The following POLR3B variants were observed in gnomAD, a reference collection of about 807,000 sequenced individuals.
The protein encoded by POLR3B is DNA-directed RNA polymerase III subunit RPC2.
A neutral mutation model predicts 147.4 loss-of-function variants in POLR3B; 96 were observed. The observed-to-expected ratio is 0.65, with a 90% CI of 0.55 to 0.77. The LOEUF (loss-of-function observed/expected upper bound fraction) is 0.77. POLR3B is among the 30% of genes least tolerant of loss of function. POLR3B has a pLI of 0.00. For missense variants in POLR3B, 1,036 were observed against 1,413.5 expected (o/e 0.73, Z 4.28); for synonymous variants, 461 against 485.9 (o/e 0.95, Z 0.67).
At position 106,383,837 on chromosome 12, in the gene POLR3B, G is replaced by T. The variant is rs188521825; in HGVS notation, c.723+3698G>T. On this transcript the variant is annotated intron_variant, in intron 9 of 27. Coordinates refer to ENST00000228347, the MANE Select transcript of POLR3B (RefSeq NM_018082.6). ...TACTAAAAATACAAAAATTAGCCGG[G>T]TGTGGTGGCGCACATCTGTAATCTC... Among the ~76,000 whole-genome samples the T allele has an allele frequency of 1.8e-3, 268 of 152,116 alleles. 1 individual carries two copies. Among genetic ancestry groups the T allele is most frequent in the Middle Eastern group, 6.8e-3 (2 of 294 alleles).
At chr12:106,451,536 C>T (rs954318318) in intron 19 of POLR3B, among the ~76,000 whole-genome samples, 5 of 148,656 alleles carry the variant, frequency 3.4e-5, no homozygotes, top group African/African-American at 1.2e-4. Flanking sequence ...GCACAAGAAT[C>T]AGTTGAACCC....
intron 6 of POLR3B, among the ~76,000 whole-genome samples, chr12:106,372,673 C>T (rs1415367998): frequency 6.6e-6 from 1 of 152,022 alleles, no homozygotes; most frequent in Non-Finnish European, 1.5e-5. Flanking sequence ...ATGCTTTGAC[C>T]TCTATTTCTT....
chr12:106,378,524 T>C (rs895856715), intron 8 of POLR3B, 140 bp downstream of exon 8: 2 of 618,938 alleles, frequency 3.2e-6, no homozygotes, highest in Admixed American at 2.6e-5. Flanking sequence ...GCATTCAATT[T>C]ATTATGAAAG....
At chr12:106,373,420 A>G (rs1209065143) in intron 6 of POLR3B, among the ~76,000 whole-genome samples, 3 of 152,034 alleles carry the variant, frequency 2.0e-5, no homozygotes, top group Non-Finnish European at 4.4e-5. Flanking sequence ...TCTTTTGGTT[A>G]TATTTCTGGC....
intron 23 of POLR3B, among the ~76,000 whole-genome samples, chr12:106,477,220 C>T (rs1477854071): frequency 1.8e-5 from 2 of 110,766 alleles, no homozygotes; most frequent in African/African-American, 9.4e-5. Flanking sequence ...AGGCAGTCTG[C>T]CCATTCTCAG....
chr12:106,426,391 C>T (rs1434426260), intron 12 of POLR3B, among the ~76,000 whole-genome samples: 1 of 152,090 alleles, frequency 6.6e-6, no homozygotes, highest in Non-Finnish European at 1.5e-5. Flanking sequence ...GCTGGGATTA[C>T]AGGCACCCGC....
chr12:106,418,485 T>C (rs2037334697), intron 12 of POLR3B, among the ~76,000 whole-genome samples: 1 of 152,240 alleles, frequency 6.6e-6, no homozygotes, highest in East Asian at 1.9e-4. Flanking sequence ...TTTGGCACTC[T>C]GTAGGCTTAA....
At chr12:106,403,754 G>A (rs2037106895) in intron 10 of POLR3B, among the ~76,000 whole-genome samples, 1 of 140,224 alleles carries the variant, frequency 7.1e-6, no homozygotes, top group African/African-American at 2.7e-5. Context: ...GGTGGGAATT[G>A]AACAATGAGA....
At position 106,376,453 on chromosome 12, in the gene POLR3B, A is replaced by G; in HGVS notation, c.496+3A>G. ...GAACGAATGTCCCTTAGATCCAGGT[A>G]TGTGTGAAGTCTTGGATTTGTCCCA... On this transcript the variant is annotated splice_donor_region_variant and intron_variant, in intron 7 of 27. Transcript: ENST00000228347. 6.3e-7 allele frequency: 1 copy of G among 1,597,146 alleles called. No homozygotes were observed. Among genetic ancestry groups the G allele is most frequent in the Non-Finnish European group, 8.6e-7 (1 of 1,165,304 alleles).
chr12:106,429,979 C>T (rs1198646759), intron 13 of POLR3B, among the ~76,000 whole-genome samples: 1 of 152,150 alleles, frequency 6.6e-6, no homozygotes, highest in African/African-American at 2.4e-5. Context: ...ACTGGCTCTT[C>T]ATTATAGAAT....
At chr12:106,473,775 G>A (rs2038125155) in intron 23 of POLR3B, among the ~76,000 whole-genome samples, 1 of 130,956 alleles carries the variant, frequency 7.6e-6, no homozygotes, top group Non-Finnish European at 1.6e-5. Context: ...CTGAGATGAT[G>A]GGGTTTTCTA....
rs1592783315 is a variant in POLR3B, at chr12:106,504,266, C to A, written c.3272+12C>A. On this transcript the variant is annotated intron_variant, in intron 27 of 27. Transcript: ENST00000228347. This position sits in a 1 kb window ranked among gnomAD's most constrained non-coding sequence, Gnocchi z 4.6. ...GGGTATTCTGGCTGGTAAGTGGATA[C>A]CATATGTCTCCCATACCACACCCCT... 6.2e-7 allele frequency: 1 copy of A among 1,606,744 alleles called. No individual in the cohort carries two copies. Among genetic ancestry groups the A allele is most frequent in the Non-Finnish European group, 8.5e-7 (1 of 1,173,294 alleles).
At chr12:106,396,786 C>CT (rs11370235) in intron 10 of POLR3B, among the ~76,000 whole-genome samples, 37,996 of 147,838 alleles carry the variant, frequency 0.26, 5,376 homozygotes, top group African/African-American at 0.39. Flanking sequence ...AGCTGAAAGT[C>CT]TTTTTTTTTT....
intron 10 of POLR3B, among the ~76,000 whole-genome samples, chr12:106,400,364 G>A (rs1041842869): frequency 9.2e-5 from 14 of 152,156 alleles, no homozygotes; most frequent in African/African-American, 3.4e-4. Flanking sequence ...AAGAGACTTA[G>A]ACTCCCACAC....
chr12:106,396,181 C>G (rs746788121), intron 10 of POLR3B, among the ~76,000 whole-genome samples: 1 of 152,186 alleles, frequency 6.6e-6, no homozygotes. Flanking sequence ...TCCTCTATTT[C>G]TCCCTCAAAC....
intron 6 of POLR3B, among the ~76,000 whole-genome samples, chr12:106,370,944 G>C (rs2036598228): frequency 6.6e-6 from 1 of 151,978 alleles, no homozygotes; most frequent in Non-Finnish European, 1.5e-5. Flanking sequence ...TCAGTGTTAA[G>C]GTGAGAACTT....
At chr12:106,359,663 C>G (rs896755121) in intron 1 of POLR3B, among the ~76,000 whole-genome samples, 1 of 152,174 alleles carries the variant, frequency 6.6e-6, no homozygotes, top group Non-Finnish European at 1.5e-5. Context: ...AAGTGAATAT[C>G]AAAGAGCCAG....
intron 14 of POLR3B, among the ~76,000 whole-genome samples, chr12:106,431,737 G>A (rs1479076999): frequency 6.6e-6 from 1 of 152,098 alleles, no homozygotes; most frequent in Non-Finnish European, 1.5e-5. Flanking sequence ...TTTGCCAGTT[G>A]TCCCACTGTT....
intron 14 of POLR3B, among the ~76,000 whole-genome samples, chr12:106,431,820 G>GT (rs940966716): frequency 6.6e-6 from 1 of 152,152 alleles, no homozygotes. Flanking sequence ...ATCTGAAAGA[G>GT]TTTTTCAGTC....
Sources: gnomAD v4.1 joint callset for allele counts (sites outside exome capture counted in the v4.1 genomes callset) on GRCh38, gnomAD v4.1.1 for gene constraint, Gnocchi (gnomAD v3.1) non-coding constraint, MANE v1.5 for transcripts, NCBI Gene and HGNC (gene_info 2026-07-23, HGNC 2026-07-21) for gene names.